The following CCPG1 variants were observed in gnomAD, a reference collection of about 807,000 sequenced individuals.
CCPG1 encodes cell cycle progression 1.
In CCPG1, 46 loss-of-function variants were observed where a neutral mutation model predicts 81.3. The ratio of observed to expected loss-of-function variants is 0.57; its 90% confidence interval spans 0.45 to 0.72. The LOEUF (loss-of-function observed/expected upper bound fraction) is 0.72, where lower values mean the gene tolerates loss of function less well. CCPG1 is among the 30% of genes least tolerant of loss of function. The probability of loss-of-function intolerance (pLI) is 0.00; values close to 1 mark genes in which losing one functional copy is unlikely to be tolerated. For synonymous variants in CCPG1, 330 were observed against 305.2 expected (o/e 1.08, Z -0.85); for missense variants, 902 against 937.6 (o/e 0.96, Z 0.50).
intron 7 of CCPG1, among the ~76,000 whole-genome samples, chr15:55,362,143 C>G (rs1164435040): frequency 2.6e-5 from 4 of 152,142 alleles, no homozygotes. Flanking sequence ...GTAACAAAAT[C>G]TAACCAAAAA....
chr15:55,370,581 A>T lies in CCPG1; in HGVS notation c.706+1212T>A, dbSNP rs1330759130. On this transcript the variant is annotated intron_variant, in intron 6 of 8. Coordinates refer to ENST00000442196, the MANE Select transcript of CCPG1 (RefSeq NM_001204450.2). Reference sequence around the variant, plus strand: ...TGAGTGGGGTGGATCACCTTAGGTCAAGAGTTCAAGACTGGCTGGGTGCGG... The same window carrying T: ...TGAGTGGGGTGGATCACCTTAGGTCTAGAGTTCAAGACTGGCTGGGTGCGG... 2.6e-5 allele frequency among the ~76,000 whole-genome samples: 4 copies of T among 152,160 alleles called. No individual in the cohort carries two copies. The East Asian group carries it at 7.7e-4, about 29-fold the overall frequency.
At chr15:55,374,152 C>T in intron 5 of CCPG1, 1 of 1,287,566 alleles carries the variant, frequency 7.8e-7, no homozygotes, top group Non-Finnish European at 1.0e-6. Context: ...TTAGTCACAC[C>T]ACCTTGGAAA....
chr15:55,358,365 C>A lies in CCPG1; in HGVS notation c.2234+1174G>T, dbSNP rs2056125127. ...ATATCCTGAAGATAAGGGGGGACTACTGTAATCTAAAATACAATATAATCT... is the reference window on the plus strand; with the variant it reads ...ATATCCTGAAGATAAGGGGGGACTAATGTAATCTAAAATACAATATAATCT... On this transcript the variant is annotated intron_variant, in intron 8 of 8. Transcript: ENST00000442196. 5.1e-6 allele frequency: 5 copies of A among 985,322 alleles called. No individual in the cohort carries two copies. The South Asian group carries it at 2.3e-4, about 46-fold the overall frequency. 61.0% of individuals were successfully genotyped at this position (985,322 alleles called of 1,614,324 possible).
At chr15:55,395,331 G>C (rs1236339947) in intron 1 of CCPG1, among the ~76,000 whole-genome samples, 2 of 151,382 alleles carry the variant, frequency 1.3e-5, no homozygotes, top group African/African-American at 4.9e-5. Context: ...CCCTATCCTA[G>C]ACACAGTGAA....
At chr15:55,385,776 T>C (rs2056786983) in intron 2 of CCPG1, 62 bp from the exon 3 acceptor site, 2 of 816,726 alleles carry the variant, frequency 2.4e-6, no homozygotes, top group Admixed American at 3.9e-5. Flanking sequence ...TAGATTTGAC[T>C]ACATGTAAAT....
At chr15:55,383,315 G>A (rs147983763) in intron 3 of CCPG1, among the ~76,000 whole-genome samples, 1 of 152,322 alleles carries the variant, frequency 6.6e-6, no homozygotes, top group African/African-American at 2.4e-5. Flanking sequence ...AGTAAACCAT[G>A]TTGTAAACAC....
Position 55,378,337 on chromosome 15 carries a change from G to T in CCPG1, c.215C>A (p.Ala72Asp). The change falls in exon 4 of 9, where the codon GCT becomes GAT. Residue 72 changes from alanine to aspartate, a missense_variant. Transcript: ENST00000442196. Reference protein sequence around the residue: ...QNGTVLMEETAYPALEETSST... With the variant: ...QNGTVLMEETDYPALEETSST... ...GCTGGTTTCCTCCAAAGCTGGATAAGCAGTTTCTTCCATAAGCACTGTGCC... is the reference window on the plus strand; with the variant it reads ...GCTGGTTTCCTCCAAAGCTGGATAATCAGTTTCTTCCATAAGCACTGTGCC... 6.2e-7 allele frequency: 1 copy of T among 1,611,842 alleles called. No homozygotes were observed.
At chr15:55,389,068 C>CAAAAAAAAAAAAAA (rs373917631) in intron 2 of CCPG1, among the ~76,000 whole-genome samples, 5 of 56,296 alleles carry the variant, frequency 8.9e-5, no homozygotes, top group East Asian at 5.6e-4. Flanking sequence ...GACTCTGTCT[C>CAAAAAAAAAAAAAA]AAAAAAAAAA....
intron 8 of CCPG1, chr15:55,358,352 T>C (rs1204969724): frequency 1.0e-6 from 1 of 984,608 alleles, no homozygotes; most frequent in Admixed American, 6.2e-5. Context: ...ATCCTGAAGA[T>C]AAGGGGGGAC....
In CCPG1 at chr15:55,365,252, A is replaced by G; in HGVS notation, c.764T>C (p.Leu255Ser). The change falls in exon 7 of 9, where the codon TTG becomes TCG. Residue 255 changes from leucine (L) to serine (S), a missense_variant. Leu to Ser is a moderately radical substitution (Grantham distance 145). Around this residue, in one of 3 missense-constraint regions of CCPG1, gnomAD observed 746 missense variants for 728.6 expected, o/e 1.02. Transcript: ENST00000442196. ...GGAAAGATAATCCTTCATATCATTC[A>G]ATTCATCTTCATGTATCTTTCTGAC... Reference protein sequence around the residue: ...QLVRKIHEDELNDMKDYLSQC... With the variant: ...QLVRKIHEDESNDMKDYLSQC... 6.5e-7 allele frequency: 1 copy of G among 1,531,446 alleles called. No individual in the cohort carries two copies. Among genetic ancestry groups the G allele is most frequent in the Non-Finnish European group, 9.0e-7 (1 of 1,110,996 alleles). The allele number at this position is 1,531,446 out of a possible 1,614,324, so 94.9% of individuals were successfully genotyped here.
chr15:55,372,167 A>G, intron 5 of CCPG1, 123 bp from the exon 6 acceptor site: 1 of 881,772 alleles, frequency 1.1e-6, no homozygotes, highest in Non-Finnish European at 1.7e-6. Context: ...GCCAAAAACA[A>G]AAACCAAACA....
chr15:55,370,030 T>G (rs913667981), intron 6 of CCPG1, among the ~76,000 whole-genome samples: 2 of 152,200 alleles, frequency 1.3e-5, no homozygotes, highest in African/African-American at 2.4e-5. Flanking sequence ...AATCAAATCT[T>G]ATTACAACAA....
At chr15:55,371,682 C>G (rs2056452382) in intron 6 of CCPG1, 111 bp downstream of exon 6, 1 of 1,140,196 alleles carries the variant, frequency 8.8e-7, no homozygotes, top group Non-Finnish European at 1.2e-6. Flanking sequence ...TTCAAGTTTT[C>G]AAGGCCACAC....
At chr15:55,407,022 G>A (rs1186093396) in intron 1 of CCPG1, among the ~76,000 whole-genome samples, 2 of 142,376 alleles carry the variant, frequency 1.4e-5, no homozygotes, top group African/African-American at 5.7e-5. Flanking sequence ...AGACCAGCCT[G>A]GCCGACACGT....
chr15:55,384,386 G>A (rs567704995), intron 3 of CCPG1, among the ~76,000 whole-genome samples: 5 of 152,270 alleles, frequency 3.3e-5, no homozygotes, highest in South Asian at 4.1e-4. Flanking sequence ...CAGGCCAGGC[G>A]CAGTGGCTCA....
chr15:55,406,626 G>A (rs953339422), intron 1 of CCPG1, among the ~76,000 whole-genome samples: 1 of 150,914 alleles, frequency 6.6e-6, no homozygotes, highest in Non-Finnish European at 1.5e-5. Flanking sequence ...GTAGAGACGG[G>A]GTTTCACCGT....
At chr15:55,401,064 ATT>A (rs1361088265) in intron 1 of CCPG1, among the ~76,000 whole-genome samples, 1 of 152,022 alleles carries the variant, frequency 6.6e-6, no homozygotes, top group African/African-American at 2.4e-5. Flanking sequence ...ATTCTCCTGT[ATT>A]TTCTACTAAT....
chr15:55,362,218 T>C (rs1357152717), intron 7 of CCPG1, among the ~76,000 whole-genome samples: 1 of 151,992 alleles, frequency 6.6e-6, no homozygotes, highest in Non-Finnish European at 1.5e-5. Flanking sequence ...GTTAAAAATA[T>C]CCTATGTATA....
intron 1 of CCPG1, among the ~76,000 whole-genome samples, chr15:55,402,746 C>A (rs2057150784): frequency 6.6e-6 from 1 of 152,164 alleles, no homozygotes. Context: ...TCAATGTAGT[C>A]TCATTGTTCA....
Sources: allele counts gnomAD v4.1 joint callset (sites outside exome capture counted in the v4.1 genomes callset), GRCh38; gene constraint gnomAD v4.1.1; regional missense constraint gnomAD v4.1.1; transcripts MANE v1.5; gene names NCBI Gene and HGNC (gene_info 2026-07-23, HGNC 2026-07-21).